CENPW: variants seen among roughly 807,000 people sequenced by gnomAD.
CENPW encodes the protein centromere protein W, also known as cancer-up-regulated gene 2 protein.
A neutral mutation model predicts 11.1 loss-of-function variants in CENPW; 3 were observed. That is an observed-to-expected ratio of 0.27 (90% CI 0.12 to 0.70). The LOEUF is 0.70. Ranked by LOEUF, CENPW falls within the 30% of genes least tolerant of loss-of-function variation. The probability of loss-of-function intolerance (pLI) is 0.77; values close to 1 mark genes in which losing one functional copy is unlikely to be tolerated. For synonymous variants in CENPW, 38 were observed against 42.0 expected (o/e 0.91, Z 0.37); for missense variants, 100 against 105.6 (o/e 0.95, Z 0.23).
the CENPW span, among the ~76,000 whole-genome samples, chr6:126,446,014 A>C: frequency 6.6e-6 from 1 of 150,960 alleles, no homozygotes; most frequent in Non-Finnish European, 1.5e-5. Context: ...AGAAAGGATA[A>C]AAAAAAATTC....
the CENPW span, among the ~76,000 whole-genome samples, chr6:126,370,754 C>CTT: frequency 2.1e-5 from 3 of 144,456 alleles, no homozygotes; most frequent in Admixed American, 6.9e-5. Flanking sequence ...CAGTTTATTT[C>CTT]TTTTTTTTTT....
chr6:126,452,025 G>T, the CENPW span, among the ~76,000 whole-genome samples: 1 of 151,030 alleles, frequency 6.6e-6, no homozygotes. Context: ...GTGCACATGT[G>T]GAACAGGTAC....
chr6:126,396,613 G>A, the CENPW span, among the ~76,000 whole-genome samples: 1 of 152,020 alleles, frequency 6.6e-6, no homozygotes, highest in African/African-American at 2.4e-5. Context: ...CTTTTCTCAA[G>A]CAGAAGGAGT....
the CENPW span, among the ~76,000 whole-genome samples, chr6:126,433,435 G>A: frequency 6.6e-6 from 1 of 152,144 alleles, no homozygotes; most frequent in Admixed American, 6.5e-5. Context: ...ATAAGCATTA[G>A]CTGCTTATAT....
chr6:126,395,276 T>C, the CENPW span, among the ~76,000 whole-genome samples: 1 of 152,178 alleles, frequency 6.6e-6, no homozygotes, highest in Non-Finnish European at 1.5e-5. Context: ...TGTCTTTAAG[T>C]TCACTAATTT....
chr6:126,405,550 A>G, the CENPW span, among the ~76,000 whole-genome samples: 1 of 151,974 alleles, frequency 6.6e-6, no homozygotes, highest in Non-Finnish European at 1.5e-5. Flanking sequence ...AGTGACATTG[A>G]TATTTTGATA....
At chr6:126,463,209 A>C in the CENPW span, among the ~76,000 whole-genome samples, 1 of 152,146 alleles carries the variant, frequency 6.6e-6, no homozygotes, top group African/African-American at 2.4e-5. Flanking sequence ...ACACACAAGA[A>C]GACTAAAGCC....
downstream of CENPW, among the ~76,000 whole-genome samples, chr6:126,352,090 G>A (rs753383308): frequency 1.3e-5 from 2 of 152,046 alleles, no homozygotes; most frequent in African/African-American, 2.4e-5. Context: ...CCATCCAGGG[G>A]CCATGCTTCC....
At chr6:126,374,683 A>G in the CENPW span, among the ~76,000 whole-genome samples, 1 of 152,154 alleles carries the variant, frequency 6.6e-6, no homozygotes, top group African/African-American at 2.4e-5. Context: ...TGTGAAGTAA[A>G]AGTCTAGAGT....
chr6:126,429,233 A>G, the CENPW span, among the ~76,000 whole-genome samples: 2 of 152,200 alleles, frequency 1.3e-5, no homozygotes, highest in Non-Finnish European at 2.9e-5. Flanking sequence ...CACCCTTGCT[A>G]AATCAGAGTA....
chr6:126,394,404 CAACT>C, the CENPW span, among the ~76,000 whole-genome samples: 1 of 151,960 alleles, frequency 6.6e-6, no homozygotes, highest in Non-Finnish European at 1.5e-5. Flanking sequence ...AACAAACAAA[CAACT>C]AACTGGCAAA....
the CENPW span, among the ~76,000 whole-genome samples, chr6:126,433,907 A>C: frequency 6.6e-6 from 1 of 152,100 alleles, no homozygotes; most frequent in Non-Finnish European, 1.5e-5. Flanking sequence ...GTATGCCTTT[A>C]TATATACATA....
chr6:126,456,649 A>T, the CENPW span, among the ~76,000 whole-genome samples: 1 of 151,800 alleles, frequency 6.6e-6, no homozygotes, highest in African/African-American at 2.4e-5. Flanking sequence ...CCTGACAAAG[A>T]TTTCATGATG....
At chr6:126,459,553 A>T in the CENPW span, among the ~76,000 whole-genome samples, 3 of 151,708 alleles carry the variant, frequency 2.0e-5, no homozygotes, top group East Asian at 5.8e-4. Flanking sequence ...TAATTTGTGA[A>T]TTGAGTCATC....
chr6:126,478,410 ATCTC>A, the CENPW span, among the ~76,000 whole-genome samples: 22 of 146,580 alleles, frequency 1.5e-4, no homozygotes, highest in East Asian at 4.0e-4. Flanking sequence ...GTCTCTCTTT[ATCTC>A]TCTCTCTCTC....
chr6:126,413,869 A>G, the CENPW span, among the ~76,000 whole-genome samples: 1 of 152,030 alleles, frequency 6.6e-6, no homozygotes, highest in Non-Finnish European at 1.5e-5. Flanking sequence ...TAAAAGACAT[A>G]GACTAGCTGA....
the CENPW span, among the ~76,000 whole-genome samples, chr6:126,461,596 A>G: frequency 3.3e-5 from 5 of 151,866 alleles, no homozygotes; most frequent in Non-Finnish European, 5.9e-5. Context: ...TAAAATGAGA[A>G]TAGTAATTCT....
chr6:126,437,524 G>T, the CENPW span, among the ~76,000 whole-genome samples: 1 of 151,900 alleles, frequency 6.6e-6, no homozygotes, highest in African/African-American at 2.4e-5. Context: ...CAAAAATACA[G>T]CTTGAAATTA....
At chr6:126,461,997 A>G in the CENPW span, among the ~76,000 whole-genome samples, 1 of 151,936 alleles carries the variant, frequency 6.6e-6, no homozygotes, top group Admixed American at 6.6e-5. Flanking sequence ...ACTTCTCACT[A>G]AAATATTAGA....
Sources: allele counts gnomAD v4.1 joint callset (sites outside exome capture counted in the v4.1 genomes callset), GRCh38; gene constraint gnomAD v4.1.1; transcripts MANE v1.5; gene names NCBI Gene and HGNC (gene_info 2026-07-23, HGNC 2026-07-21).